SCARA5: variants seen among roughly 807,000 people sequenced by gnomAD.
SCARA5 encodes scavenger receptor class A member 5, also known as scavenger receptor class A, member 5 (putative).
SCARA5 carries 45 observed loss-of-function variants against 46.3 expected under a neutral mutation model. The observed-to-expected ratio is 0.97, with a 90% confidence interval of 0.76 to 1.24. The LOEUF is 1.24. Ranked by LOEUF, SCARA5 falls within the 50% of genes most tolerant of loss-of-function variation. The probability of loss-of-function intolerance (pLI) is 0.00; values close to 1 mark genes in which losing one functional copy is unlikely to be tolerated. For missense variants in SCARA5, 680 were observed against 689.0 expected (o/e 0.99, Z 0.15); for synonymous variants, 333 against 306.5 (o/e 1.09, Z -0.90).
At chr8:27,989,088 C>T (rs1236659285) in intron 1 of SCARA5, among the ~76,000 whole-genome samples, 8 of 148,956 alleles carry the variant, frequency 5.4e-5, no homozygotes, top group Non-Finnish European at 8.9e-5. Flanking sequence ...ACAAGAATTC[C>T]GTATTTTCTT....
At chr8:27,966,271 T>C (rs1338196418) in intron 3 of SCARA5, 143 bp downstream of exon 3, 4 of 843,580 alleles carry the variant, frequency 4.7e-6, no homozygotes, top group Non-Finnish European at 7.1e-6. Context: ...GCAATACTAC[T>C]GAAGAGCTTC....
chr8:27,896,669 C>A (rs1563516071), intron 7 of SCARA5, among the ~76,000 whole-genome samples: 1 of 152,150 alleles, frequency 6.6e-6, no homozygotes, highest in African/African-American at 2.4e-5. Context: ...ACTTTTCAAA[C>A]CTCTGAGTCA....
At chr8:27,974,605 C>A (rs35944480) in intron 2 of SCARA5, among the ~76,000 whole-genome samples, 29,721 of 152,006 alleles carry the variant, frequency 0.2, 3,300 homozygotes, top group Non-Finnish European at 0.26. Context: ...CAGAGCTCAG[C>A]TCATCCAAGG....
intron 2 of SCARA5, among the ~76,000 whole-genome samples, chr8:27,981,566 C>G (rs537883330): frequency 1.3e-5 from 2 of 152,208 alleles, no homozygotes; most frequent in African/African-American, 4.8e-5. Flanking sequence ...GTGTACGGCA[C>G]GTGGGGATGG....
At chr8:27,966,591 C>A in intron 2 of SCARA5, 49 bp from the exon 3 acceptor site, 1 of 1,545,766 alleles carries the variant, frequency 6.5e-7, no homozygotes, top group South Asian at 1.2e-5. Context: ...CTTAAAAACC[C>A]CATAAGCTCT....
chr8:27,912,719 C>A (rs930958273), intron 4 of SCARA5, among the ~76,000 whole-genome samples: 1 of 152,220 alleles, frequency 6.6e-6, no homozygotes, highest in Non-Finnish European at 1.5e-5. Context: ...GTCACAGATG[C>A]AAGGGACTGC....
rs1807727905 is a variant in SCARA5, at chr8:27,929,175, C to T, written c.242-6930G>A. Among the ~76,000 whole-genome samples the T allele has an allele frequency of 4.6e-5, 7 of 152,192 alleles. No individual in the cohort carries two copies. In the South Asian group the frequency reaches 1.0e-3, roughly 23 times the overall value. ...ATGTATTCATGTCTGCTGCAGGCCC[C>T]GGCCTGAGCTAGGTGGCTTGCCCCT... On this transcript the variant is annotated intron_variant, in intron 3 of 8. Coordinates refer to ENST00000354914, the MANE Select transcript of SCARA5 (RefSeq NM_173833.6).
intron 7 of SCARA5, among the ~76,000 whole-genome samples, chr8:27,884,066 G>C (rs530208385): frequency 4.6e-5 from 7 of 152,254 alleles, no homozygotes; most frequent in African/African-American, 1.7e-4. Context: ...AGAAAATTCT[G>C]CAGAGGAACC....
chr8:27,871,871 C>T lies in SCARA5; in HGVS notation c.*63G>A. On this transcript the variant is annotated 3_prime_UTR_variant, in exon 9 of 9. Coordinates refer to ENST00000354914, the MANE Select transcript of SCARA5 (RefSeq NM_173833.6). ...TGGTCAGGGTGGCCCCGAGCTGTGC[C>T]CCACCCCAGGGATGCAGGAAGGGTG... 1 of 1,608,640 alleles carries T rather than the reference C, an allele frequency of 6.2e-7. No individual in the cohort carries two copies. Among genetic ancestry groups the T allele is most frequent in the Non-Finnish European group, 8.5e-7 (1 of 1,177,320 alleles).
At chr8:27,940,029 C>T (rs1022243394) in intron 3 of SCARA5, among the ~76,000 whole-genome samples, 6 of 152,124 alleles carry the variant, frequency 3.9e-5, no homozygotes, top group African/African-American at 1.4e-4. Flanking sequence ...TCAGTGAGGG[C>T]GGCAAGCATG....
At chr8:27,884,802 C>T (rs185483156) in intron 7 of SCARA5, among the ~76,000 whole-genome samples, 7 of 152,302 alleles carry the variant, frequency 4.6e-5, no homozygotes, top group Admixed American at 1.3e-4. Flanking sequence ...ATGGAGCTGA[C>T]ATTCTAGGGA....
Position 27,969,372 on chromosome 8 carries a change from G to A in SCARA5, c.113-2830C>T, listed in dbSNP as rs563585375. Among the ~76,000 whole-genome samples the A allele has an allele frequency of 2.0e-5, 3 of 152,280 alleles. No homozygotes were observed. The East Asian group carries it at 5.8e-4, about 29-fold the overall frequency. On this transcript the variant is annotated intron_variant, in intron 2 of 8. Coordinates refer to ENST00000354914, the MANE Select transcript of SCARA5 (RefSeq NM_173833.6). ...CAAGACATGGAGGAATGTTAAATGA[G>A]TAATTAACTTGGTAAAATAAGCCAA... is the stretch of plus-strand genomic sequence containing the variant.
At chr8:27,937,432 G>T (rs76785064) in intron 3 of SCARA5, among the ~76,000 whole-genome samples, 6,362 of 152,218 alleles carry the variant, frequency 0.042, 291 homozygotes, top group African/African-American at 0.12. Flanking sequence ...CAGCTCCTGG[G>T]TCCTGGGGGC....
intron 3 of SCARA5, among the ~76,000 whole-genome samples, chr8:27,957,685 T>C (rs1808226907): frequency 6.6e-6 from 1 of 152,240 alleles, no homozygotes; most frequent in African/African-American, 2.4e-5. Context: ...TGTGGGGCCG[T>C]GGGCCAGAGT....
At position 27,922,118 on chromosome 8, in the gene SCARA5, C is replaced by T; in HGVS notation, c.369G>A (p.Glu123=). The T allele has an allele frequency of 1.2e-6, 2 of 1,606,224 alleles. No homozygotes were observed. The highest frequency in any genetic ancestry group is 1.7e-5 in the Admixed American group (1 of 58,978). ...LQAPLQADLT[E]QVWKVQDALQ... ...GCGCGTCCTGCACCTTCCACACCTGCTCCGTCAGGTCCGCTTGCAGCGGAG... is the reference window on the plus strand; with the variant it reads ...GCGCGTCCTGCACCTTCCACACCTGTTCCGTCAGGTCCGCTTGCAGCGGAG... Residue 123 remains glutamate, a synonymous_variant, in exon 4 of 9, where the codon GAG becomes GAA. Coordinates refer to ENST00000354914, the MANE Select transcript of SCARA5 (RefSeq NM_173833.6).
Position 27,909,700 on chromosome 8 carries a change from T to C in SCARA5, c.960A>G (p.Glu320=). The change falls in exon 5 of 9, where the codon GAA becomes GAG. Residue 320 remains glutamate, a synonymous_variant. Coordinates refer to ENST00000354914, the MANE Select transcript of SCARA5 (RefSeq NM_173833.6). The part of the protein sequence containing the change: ...PKGDQGDEGK[E]GRPGIPGLPG... ...GCAATCCAGGGATGCCAGGCCTGCC[T>C]TCCTTTCCTTCATCCCCCTGATCAC... is the stretch of plus-strand genomic sequence containing the variant. The C allele has an allele frequency of 6.4e-7, 1 of 1,551,386 alleles. No homozygotes were observed.
chr8:27,958,791 G>A (rs1261699700), intron 3 of SCARA5, among the ~76,000 whole-genome samples: 1 of 152,184 alleles, frequency 6.6e-6, no homozygotes, highest in Non-Finnish European at 1.5e-5. Flanking sequence ...GCACTGACAC[G>A]CAATGGGGGA....
chr8:27,990,629 T>C (rs183388738), intron 1 of SCARA5, among the ~76,000 whole-genome samples: 5 of 152,190 alleles, frequency 3.3e-5, no homozygotes, highest in African/African-American at 1.2e-4. Flanking sequence ...CAGGGTTGCT[T>C]TGTTTGGGAA....
chr8:27,930,070 C>T (rs768531336), intron 3 of SCARA5, among the ~76,000 whole-genome samples: 166 of 152,306 alleles, frequency 1.1e-3, no homozygotes, highest in Non-Finnish European at 1.9e-3. Flanking sequence ...ATAGTATCAC[C>T]GCTTCACAGG....
Sources: gnomAD v4.1 joint callset for allele counts (sites outside exome capture counted in the v4.1 genomes callset) on GRCh38, gnomAD v4.1.1 for gene constraint, MANE v1.5 for transcripts, NCBI Gene and HGNC (gene_info 2026-07-23, HGNC 2026-07-21) for gene names.